MBTD1: variants seen among roughly 807,000 people sequenced by gnomAD.
MBTD1 encodes the protein mbt domain containing 1.
A neutral mutation model predicts 87.8 loss-of-function variants in MBTD1; 24 were observed. The ratio of observed to expected loss-of-function variants is 0.27; its 90% CI spans 0.20 to 0.38. The LOEUF is 0.38. MBTD1 is among the 10% of genes least tolerant of loss of function. MBTD1 has a pLI of 1.00. For missense variants in MBTD1, 436 were observed against 760.2 expected (o/e 0.57, Z 5.02); for synonymous variants, 237 against 248.6 (o/e 0.95, Z 0.44).
intron 2 of MBTD1, among the ~76,000 whole-genome samples, chr17:51,241,973 T>C (rs2054186069): frequency 6.6e-6 from 1 of 152,226 alleles, no homozygotes; most frequent in African/African-American, 2.4e-5. Flanking sequence ...TGTGTCATTC[T>C]GACATGCCTC....
chr17:51,180,946 G>C (rs2050277469), intron 16 of MBTD1, among the ~76,000 whole-genome samples: 1 of 151,550 alleles, frequency 6.6e-6, no homozygotes, highest in African/African-American at 2.4e-5. Context: ...AATTTTGTTT[G>C]TGATTAAGTA....
chr17:51,253,426 C>G (rs2054910413), intron 2 of MBTD1, among the ~76,000 whole-genome samples: 1 of 152,058 alleles, frequency 6.6e-6, no homozygotes, highest in South Asian at 2.1e-4. Context: ...AACTTACAAT[C>G]AGCAGGGGAA....
At chr17:51,243,076 G>A (rs867054198) in intron 2 of MBTD1, among the ~76,000 whole-genome samples, 46 of 152,076 alleles carry the variant, frequency 3.0e-4, no homozygotes, top group Middle Eastern at 3.4e-3. Context: ...ATACCTCCAG[G>A]GTATATTTTT....
intron 2 of MBTD1, among the ~76,000 whole-genome samples, chr17:51,238,858 G>A (rs2054000370): frequency 1.3e-5 from 2 of 152,286 alleles, no homozygotes; most frequent in South Asian, 2.1e-4. Flanking sequence ...CCAGAACTTT[G>A]GGAGGCTGAG....
chr17:51,214,260 C>T (rs1434345668), intron 6 of MBTD1, among the ~76,000 whole-genome samples: 4 of 152,042 alleles, frequency 2.6e-5, no homozygotes, highest in Admixed American at 6.6e-5. Flanking sequence ...AACCATTGTG[C>T]CCAGCCTAAG....
chr17:51,260,565 G>C (rs749900292), upstream of MBTD1: 19 of 1,602,770 alleles, frequency 1.2e-5, no homozygotes, highest in Non-Finnish European at 1.5e-5. Context: ...GAGCGCCTGC[G>C]TTTCTCCTCA....
At chr17:51,197,227 A>C (rs1375177216) in intron 12 of MBTD1, among the ~76,000 whole-genome samples, 1 of 149,488 alleles carries the variant, frequency 6.7e-6, no homozygotes, top group African/African-American at 2.4e-5. Flanking sequence ...TCAGTCTCCC[A>C]AGTAGCTGGG....
intron 7 of MBTD1, among the ~76,000 whole-genome samples, chr17:51,206,077 A>C (rs2051813126): frequency 6.6e-6 from 1 of 152,158 alleles, no homozygotes; most frequent in Non-Finnish European, 1.5e-5. Context: ...TGCTGGAAAA[A>C]ATACAAGTCT....
upstream of MBTD1, chr17:51,260,510 G>C (rs906500355): frequency 3.4e-6 from 5 of 1,469,092 alleles, no homozygotes; most frequent in African/African-American, 4.3e-5. Context: ...TTCGGCGGCG[G>C]CGGCCCGCGA....
chr17:51,259,247 T>A (rs973896316), intron 1 of MBTD1, 41 bp from the exon 2 acceptor site: 27 of 1,231,598 alleles, frequency 2.2e-5, no homozygotes, highest in Non-Finnish European at 2.7e-5. Context: ...GAGAACGCAA[T>A]GGTCACAGAA....
intron 2 of MBTD1, among the ~76,000 whole-genome samples, chr17:51,245,195 C>T (rs943912827): frequency 6.6e-6 from 1 of 152,130 alleles, no homozygotes. Flanking sequence ...CCACTGTGCC[C>T]GGCCCTAGAG....
rs147004773 is a variant in MBTD1 at position 51,202,150 on chromosome 17, C to T, written c.1064-73G>A. ...CAAAAACCACGTTCTTTGAAGGCTT[C>T]AAACTCACAAAGTATGTCATACTAT... On this transcript the variant is annotated intron_variant, in intron 10 of 16. Coordinates refer to ENST00000586178, the MANE Select transcript of MBTD1 (RefSeq NM_017643.3). The T allele has an allele frequency of 4.8e-6, 4 of 837,522 alleles. No individual in the cohort carries two copies. The African/African-American group carries it at 6.7e-5, about 14-fold the overall frequency. The allele number at this position is 837,522 out of a possible 1,614,324, so 51.9% of individuals were successfully genotyped here. A position where few individuals can be genotyped will look rare whatever the true frequency, so the allele number is the denominator to read the frequency against.
At position 51,193,021 on chromosome 17, in the gene MBTD1, C is replaced by T. The variant is rs1433888893; in HGVS notation, c.1456-5G>A. 1 of 1,592,348 alleles carries T rather than the reference C, an allele frequency of 6.3e-7. No homozygotes were observed. The highest frequency in any genetic ancestry group is 2.2e-5 in the East Asian group (1 of 44,726). ...AAATCCGTGATTTGGAACATCCTGA[C>T]ACAGAGAAGAAAACATTAATATTGG... is the stretch of plus-strand genomic sequence containing the variant. On this transcript the variant is annotated splice_polypyrimidine_tract_variant and splice_region_variant and intron_variant, in intron 14 of 16. Coordinates refer to ENST00000586178, the MANE Select transcript of MBTD1 (RefSeq NM_017643.3).
Position 51,231,462 on chromosome 17 carries a change from T to C in MBTD1, c.-48-6253A>G, listed in dbSNP as rs537369565. On this transcript the variant is annotated intron_variant, in intron 2 of 16. Coordinates refer to ENST00000586178, the MANE Select transcript of MBTD1 (RefSeq NM_017643.3). Reference sequence around the variant, plus strand: ...TAGTATTTTTTTTTTAAAAGTACCATGGTCAAAGATGTTTGGGAAATTTTC... The same window carrying C: ...TAGTATTTTTTTTTTAAAAGTACCACGGTCAAAGATGTTTGGGAAATTTTC... 3.3e-5 allele frequency among the ~76,000 whole-genome samples: 5 copies of C among 152,228 alleles called. No individual in the cohort carries two copies. In the East Asian group the frequency reaches 5.8e-4, roughly 18 times the overall value.
chr17:51,190,721 CAAAAAAAAAAAAAAAAAAA>C (rs1165717944), intron 16 of MBTD1, among the ~76,000 whole-genome samples: 1 of 35,172 alleles, frequency 2.8e-5, no homozygotes, highest in Admixed American at 5.7e-4. Flanking sequence ...GACTCTGTCT[CAAAAAAAAAAAAAAAAAAA>C]AAAAAAAAAA....
At chr17:51,238,879 C>T (rs548408085) in intron 2 of MBTD1, among the ~76,000 whole-genome samples, 1 of 152,204 alleles carries the variant, frequency 6.6e-6, no homozygotes, top group African/African-American at 2.4e-5. Context: ...GTGGATGGAT[C>T]ACTTAAAGTC....
Position 51,214,149 on chromosome 17 carries a change from T to A in MBTD1, c.486+3185A>T, listed in dbSNP as rs181306281. ...ATATACACATACACATACACTTTTG[T>A]AGAGACAAGGTCTTGCTATGTTGAC... On this transcript the variant is annotated intron_variant, in intron 6 of 16. Transcript: ENST00000586178. Among the ~76,000 whole-genome samples the A allele has an allele frequency of 3.7e-5, 5 of 134,236 alleles. No homozygotes were observed. In the East Asian group the frequency reaches 1.1e-3, roughly 31 times the overall value. 88.1% of individuals were successfully genotyped at this position (134,236 alleles called of 152,430 possible). A position where few individuals can be genotyped will look rare whatever the true frequency, so the allele number is the denominator to read the frequency against.
chr17:51,185,282 C>T (rs930072976), intron 16 of MBTD1: 1 of 152,204 alleles, frequency 6.6e-6, no homozygotes, highest in East Asian at 1.9e-4. Flanking sequence ...ATAACTTTGG[C>T]TTTGAAGCTG....
intron 12 of MBTD1, among the ~76,000 whole-genome samples, chr17:51,199,808 T>C (rs528193243): frequency 2.7e-5 from 4 of 150,786 alleles, no homozygotes; most frequent in Non-Finnish European, 5.9e-5. Flanking sequence ...GCCATCATAA[T>C]TGTTTTCCTT....
Sources: allele counts gnomAD v4.1 joint callset (sites outside exome capture counted in the v4.1 genomes callset), GRCh38; gene constraint gnomAD v4.1.1; transcripts MANE v1.5; gene names NCBI Gene and HGNC (gene_info 2026-07-23, HGNC 2026-07-21).